Variants in CASD1 observed in about 807,000 individuals in gnomAD.
The protein encoded by CASD1 is CAS1 domain sialic acid O acetyltransferase 1, also known as N-acetylneuraminate (7)9-O-acetyltransferase.
Under a neutral mutation model 100.0 loss-of-function variants are expected in CASD1, and 41 were observed. The observed-to-expected ratio is 0.41, with a 90% CI of 0.32 to 0.53. The LOEUF (loss-of-function observed/expected upper bound fraction) is 0.53, where lower values mean the gene tolerates loss of function less well. Among genes scored for constraint, CASD1 ranks in the 20% least tolerant of loss-of-function variants. The pLI is 0.25. For missense variants in CASD1, 774 were observed against 948.7 expected (o/e 0.82, Z 2.42); for synonymous variants, 321 against 315.6 (o/e 1.02, Z -0.18).
chr7:94,604,794 T>C, the CASD1 span, among the ~76,000 whole-genome samples: 2 of 89,756 alleles, frequency 2.2e-5, no homozygotes, highest in Non-Finnish European at 4.4e-5. Flanking sequence ...TTTTTATAAC[T>C]AATGGTGCTG....
the CASD1 span, among the ~76,000 whole-genome samples, chr7:94,603,087 T>C: frequency 6.6e-6 from 1 of 152,132 alleles, no homozygotes; most frequent in Non-Finnish European, 1.5e-5. Context: ...TAATCAAGGA[T>C]AGAATAAGTA....
At chr7:94,549,960 A>G (rs1795867093) in intron 14 of CASD1, among the ~76,000 whole-genome samples, 1 of 152,118 alleles carries the variant, frequency 6.6e-6, no homozygotes, top group African/African-American at 2.4e-5. Flanking sequence ...GAGTTTCAAT[A>G]TGTGCCCTAG....
chr7:94,597,475 T>A, the CASD1 span: 12 of 152,102 alleles, frequency 7.9e-5, no homozygotes, highest in Admixed American at 7.2e-4. Context: ...ATGGGAAAAA[T>A]GTACCCAGCA....
intron 10 of CASD1, among the ~76,000 whole-genome samples, 161 bp downstream of exon 10, chr7:94,539,217 G>GA (rs1232142664): frequency 2.0e-5 from 3 of 151,956 alleles, no homozygotes; most frequent in African/African-American, 7.3e-5. Flanking sequence ...TCCTCTTTGA[G>GA]AAAATGTAAT....
chr7:94,555,849 A>T lies in CASD1; in HGVS notation c.*91A>T, dbSNP rs61611349. On this transcript the variant is annotated 3_prime_UTR_variant, in exon 18 of 18. Transcript: ENST00000297273. ...CATCTATCTGGAGATATAAATGTGTATGTAAATATAAACGTTTGTGGCAAG... is the reference window on the plus strand; with the variant it reads ...CATCTATCTGGAGATATAAATGTGTTTGTAAATATAAACGTTTGTGGCAAG... The T allele has an allele frequency of 9.9e-3, 12,936 of 1,308,360 alleles. 878 individuals are homozygous for T. In the African/African-American group the frequency reaches 0.16, roughly 16 times the overall value. The allele number at this position is 1,308,360 out of a possible 1,614,324, so 81.0% of individuals were successfully genotyped here.
the CASD1 span, among the ~76,000 whole-genome samples, chr7:94,580,187 T>A: frequency 6.6e-6 from 1 of 152,210 alleles, no homozygotes; most frequent in African/African-American, 2.4e-5. Flanking sequence ...GGATTATTTG[T>A]ATGTATAAAA....
intron 3 of CASD1, among the ~76,000 whole-genome samples, chr7:94,525,698 A>G (rs927733108): frequency 2.9e-4 from 44 of 152,182 alleles, no homozygotes; most frequent in African/African-American, 9.4e-4. Context: ...GACCCAGTAT[A>G]TCCCAGATTT....
At chr7:94,629,818 G>A in the CASD1 span, 1 of 1,610,878 alleles carries the variant, frequency 6.2e-7, no homozygotes, top group East Asian at 2.2e-5. Context: ...CGATCGGAGT[G>A]TACCTTGGAG....
chr7:94,628,813 G>A, the CASD1 span: 1 of 167,396 alleles, frequency 6.0e-6, no homozygotes, highest in Non-Finnish European at 1.3e-5. Context: ...AACACTGGAG[G>A]ATAGGATGAA....
At chr7:94,559,352 ATTTCT>A (rs1465983374), downstream of CASD1, among the ~76,000 whole-genome samples, 2 of 148,492 alleles carry the variant, frequency 1.3e-5, no homozygotes, top group Admixed American at 6.8e-5. Flanking sequence ...ATATGGAATA[ATTTCT>A]TTTACAATTA....
At chr7:94,592,651 A>G in the CASD1 span, among the ~76,000 whole-genome samples, 1 of 152,198 alleles carries the variant, frequency 6.6e-6, no homozygotes, top group Non-Finnish European at 1.5e-5. Flanking sequence ...TAACTTGCAA[A>G]TTAATAAATA....
intron 7 of CASD1, among the ~76,000 whole-genome samples, chr7:94,534,977 G>A (rs1397623570): frequency 1.3e-5 from 2 of 152,118 alleles, no homozygotes; most frequent in African/African-American, 2.4e-5. Flanking sequence ...TTTTAGATTT[G>A]TTGTTACCTG....
At chr7:94,533,952 G>A (rs180717694) in intron 7 of CASD1, 150 bp downstream of exon 7, 1 of 660,674 alleles carries the variant, frequency 1.5e-6, no homozygotes, top group East Asian at 3.2e-5. Flanking sequence ...TGAGTTATTT[G>A]CTCTCCTTTT....
Position 94,535,602 on chromosome 7 carries a change from T to A in CASD1, c.843+79T>A. On this transcript the variant is annotated intron_variant, in intron 8 of 17. Transcript: ENST00000297273. ...AAGCCATAAGTCATTATAACATGGT[T>A]ATAAATAATTTGTTTTATTGCAGTC... The A allele has an allele frequency of 6.0e-6, 6 of 1,008,262 alleles. No homozygotes were observed. The South Asian group carries it at 8.9e-5, about 15-fold the overall frequency. 62.5% of individuals were successfully genotyped at this position (1,008,262 alleles called of 1,614,324 possible).
chr7:94,510,891 C>A (rs1286882916), intron 1 of CASD1, among the ~76,000 whole-genome samples: 2 of 152,128 alleles, frequency 1.3e-5, no homozygotes, highest in African/African-American at 2.4e-5. Flanking sequence ...AGTTAAGGCA[C>A]CAGAGCAGAT....
At chr7:94,572,380 A>G in the CASD1 span, among the ~76,000 whole-genome samples, 1 of 152,184 alleles carries the variant, frequency 6.6e-6, no homozygotes, top group South Asian at 2.1e-4. Flanking sequence ...CTTGAAGACA[A>G]CATATAGTTG....
the CASD1 span, among the ~76,000 whole-genome samples, chr7:94,605,471 A>G: frequency 6.6e-6 from 1 of 150,586 alleles, no homozygotes; most frequent in Non-Finnish European, 1.5e-5. Flanking sequence ...ATATATCTAC[A>G]TATATGTTTA....
chr7:94,528,100 C>A, intron 4 of CASD1, 88 bp from the exon 5 acceptor site: 1 of 906,374 alleles, frequency 1.1e-6, no homozygotes, highest in Non-Finnish European at 1.8e-6. Flanking sequence ...CTTTTAAGTA[C>A]TCTGTAAGAG....
chr7:94,588,087 A>ATAGAGATG, the CASD1 span: 1 of 1,230,316 alleles, frequency 8.1e-7, no homozygotes, highest in Non-Finnish European at 1.0e-6. Flanking sequence ...TCTACTCAGT[A>ATAGAGATG]TAGAGATGAA....
Sources: allele counts gnomAD v4.1 joint callset (sites outside exome capture counted in the v4.1 genomes callset), GRCh38; gene constraint gnomAD v4.1.1; transcripts MANE v1.5; gene names NCBI Gene and HGNC (gene_info 2026-07-23, HGNC 2026-07-21).